Variants in STAG1 observed in about 807,000 individuals in gnomAD.
STAG1 encodes the protein STAG1 cohesin complex component, also known as cohesin subunit SA-1.
STAG1 carries 26 observed loss-of-function variants against 170.9 expected under a neutral mutation model. The ratio of observed to expected loss-of-function variants is 0.15; its 90% CI spans 0.11 to 0.21. The LOEUF (loss-of-function observed/expected upper bound fraction) is 0.21. Among genes scored for constraint, STAG1 ranks in the 10% least tolerant of loss-of-function variants. The probability of loss-of-function intolerance (pLI) is 1.00; values close to 1 mark genes in which losing one functional copy is unlikely to be tolerated. For missense variants in STAG1, 964 were observed against 1,509.5 expected (o/e 0.64, Z 5.99); for synonymous variants, 514 against 497.7 (o/e 1.03, Z -0.44).
At chr3:136,654,121 C>T (rs535206595) in intron 1 of STAG1, among the ~76,000 whole-genome samples, 1 of 152,068 alleles carries the variant, frequency 6.6e-6, no homozygotes, top group Admixed American at 6.5e-5. Context: ...TAAAATAGTA[C>T]TGAAGTCCTA....
chr3:136,608,034 A>C (rs1222498476), intron 3 of STAG1, among the ~76,000 whole-genome samples: 1 of 152,188 alleles, frequency 6.6e-6, no homozygotes, highest in African/African-American at 2.4e-5. Context: ...AGGCGGGCAG[A>C]TCACCTGAGA....
intron 21 of STAG1, among the ~76,000 whole-genome samples, chr3:136,399,106 T>TA (rs2087247093): frequency 1.3e-5 from 2 of 152,194 alleles, no homozygotes; most frequent in Admixed American, 1.3e-4. Context: ...ATATTTTACT[T>TA]AGTCAAATTT....
At chr3:136,583,064 G>A (rs1937628048) in intron 4 of STAG1, among the ~76,000 whole-genome samples, 1 of 151,906 alleles carries the variant, frequency 6.6e-6, no homozygotes, top group Admixed American at 6.6e-5. Flanking sequence ...AAAATATAAT[G>A]GTATCAACTA....
At chr3:136,542,615 A>T (rs1935962259) in intron 5 of STAG1, among the ~76,000 whole-genome samples, 1 of 151,898 alleles carries the variant, frequency 6.6e-6, no homozygotes, top group African/African-American at 2.4e-5. Flanking sequence ...CCACTGACTA[A>T]CACATGTGCA....
At chr3:136,686,214 T>C (rs538874754) in intron 1 of STAG1, among the ~76,000 whole-genome samples, 2 of 152,182 alleles carry the variant, frequency 1.3e-5, no homozygotes, top group Non-Finnish European at 2.9e-5. Flanking sequence ...TCCAAATTAG[T>C]TGGGTGTCAC....
At chr3:136,349,385 C>A (rs1163808693) in intron 28 of STAG1, 22 bp from the exon 29 acceptor site, 7 of 1,570,782 alleles carry the variant, frequency 4.5e-6, no homozygotes, top group Non-Finnish European at 6.1e-6. Context: ...ATAGAAACAG[C>A]AGTGATTTTC....
At chr3:136,736,963 G>A (rs1435960483) in intron 1 of STAG1, 2 of 1,596,696 alleles carry the variant, frequency 1.3e-6, no homozygotes, top group Middle Eastern at 4.5e-4. Context: ...AGCCTTTTGT[G>A]CTCTGTCAGC....
intron 1 of STAG1, among the ~76,000 whole-genome samples, chr3:136,692,665 T>C (rs186376596): frequency 1.3e-5 from 2 of 151,752 alleles, no homozygotes; most frequent in East Asian, 3.9e-4. Flanking sequence ...CAGTGAAAAA[T>C]TTACTATCAG....
Position 136,502,782 on chromosome 3 carries a change from A to G in STAG1, c.677-3T>C, listed in dbSNP as rs774205516. On this transcript the variant is annotated splice_polypyrimidine_tract_variant and splice_region_variant and intron_variant, in intron 7 of 33. Coordinates refer to ENST00000383202, the MANE Select transcript of STAG1 (RefSeq NM_005862.3). Reference sequence around the variant, plus strand: ...CAGAGCAGTCATGAGCTTCATGGCTATGAAATGAAGAAATATTATAATACC... The same window carrying G: ...CAGAGCAGTCATGAGCTTCATGGCTGTGAAATGAAGAAATATTATAATACC... 15 of 1,577,700 alleles carry G rather than the reference A, an allele frequency of 9.5e-6. No homozygotes were observed. In the East Asian group the frequency reaches 2.3e-4, roughly 24 times the overall value.
intron 6 of STAG1, among the ~76,000 whole-genome samples, chr3:136,529,944 G>C (rs1432855906): frequency 6.6e-6 from 1 of 152,104 alleles, no homozygotes; most frequent in Non-Finnish European, 1.5e-5. Context: ...ACAAAGACCA[G>C]ATGAGTAGAT....
intron 1 of STAG1, among the ~76,000 whole-genome samples, chr3:136,688,323 G>C (rs1281260131): frequency 6.6e-6 from 1 of 152,224 alleles, no homozygotes; most frequent in Non-Finnish European, 1.5e-5. Context: ...ACAGGTTGCA[G>C]ACTGTGGTGT....
chr3:136,362,001 G>C (rs1001976317), intron 26 of STAG1, among the ~76,000 whole-genome samples: 3 of 151,782 alleles, frequency 2.0e-5, no homozygotes, highest in African/African-American at 7.3e-5. Flanking sequence ...TGTGGCCCAG[G>C]CTGGAGTGCA....
At chr3:136,342,589 C>T (rs1936026504) in intron 30 of STAG1, among the ~76,000 whole-genome samples, 1 of 152,264 alleles carries the variant, frequency 6.6e-6, no homozygotes, top group Non-Finnish European at 1.5e-5. Context: ...TCAAGCAATT[C>T]TCATTCCTTA....
intron 29 of STAG1, among the ~76,000 whole-genome samples, chr3:136,347,443 G>T (rs2655009): frequency 9.1e-5 from 13 of 143,056 alleles, no homozygotes; most frequent in African/African-American, 3.3e-4. Context: ...TCATTCTTTA[G>T]AGAAAAGTCC....
chr3:136,706,936 C>T (rs982070102), intron 1 of STAG1, among the ~76,000 whole-genome samples: 13 of 152,116 alleles, frequency 8.5e-5, no homozygotes, highest in African/African-American at 2.4e-4. Context: ...CAAGGGTACA[C>T]GACAATTCAA....
intron 4 of STAG1, among the ~76,000 whole-genome samples, chr3:136,600,082 T>C (rs560181650): frequency 2.0e-4 from 30 of 152,210 alleles, no homozygotes; most frequent in Non-Finnish European, 2.2e-4. Context: ...AAGAATTATG[T>C]CCATCTTCTC....
In STAG1 at chr3:136,736,814, G is replaced by A. The variant is rs545912277; in HGVS notation, c.-84+15381C>T. On this transcript the variant is annotated intron_variant, in intron 1 of 33. Coordinates refer to ENST00000383202, the MANE Select transcript of STAG1 (RefSeq NM_005862.3). ...AGGATCATCCTCCTCTACAATTGTAGGTTTTCCTTCCTTCTTTGTTTTTTT... is the reference window on the plus strand; with the variant it reads ...AGGATCATCCTCCTCTACAATTGTAAGTTTTCCTTCCTTCTTTGTTTTTTT... 32 of 1,585,006 alleles carry A rather than the reference G, an allele frequency of 2.0e-5. No homozygotes were observed. The South Asian group carries it at 3.2e-4, about 16-fold the overall frequency.
At chr3:136,727,454 C>G (rs111572644) in intron 1 of STAG1, among the ~76,000 whole-genome samples, 177 of 152,268 alleles carry the variant, frequency 1.2e-3, no homozygotes, top group African/African-American at 2.5e-3. Flanking sequence ...CACTTGAAAG[C>G]CTTAATAAAA....
At chr3:136,502,885 T>C (rs921706867) in intron 7 of STAG1, 106 bp from the exon 8 acceptor site, 7 of 902,248 alleles carry the variant, frequency 7.8e-6, no homozygotes, top group Non-Finnish European at 1.1e-5. Context: ...AGTGAATTTC[T>C]GTTTTACAAC....
Sources: gnomAD v4.1 joint callset for allele counts (sites outside exome capture counted in the v4.1 genomes callset) on GRCh38, gnomAD v4.1.1 for gene constraint, MANE v1.5 for transcripts, NCBI Gene and HGNC (gene_info 2026-07-23, HGNC 2026-07-21) for gene names.